The following FGD6 variants were observed in gnomAD, a reference collection of about 807,000 sequenced individuals.
FGD6 encodes the protein FYVE, RhoGEF and PH domain-containing protein 6.
A neutral mutation model predicts 149.4 loss-of-function variants in FGD6; 90 were observed. That is an observed-to-expected ratio of 0.60 (90% CI 0.51 to 0.72). The LOEUF is 0.72. Ranked by LOEUF, FGD6 falls within the 30% of genes least tolerant of loss-of-function variation. The pLI is 0.00. For missense variants in FGD6, 1,437 were observed against 1,684.8 expected (o/e 0.85, Z 2.57); for synonymous variants, 527 against 584.0 (o/e 0.90, Z 1.41).
intron 5 of FGD6, among the ~76,000 whole-genome samples, chr12:95,150,720 T>C (rs1880286114): frequency 6.6e-6 from 1 of 151,988 alleles, no homozygotes; most frequent in Non-Finnish European, 1.5e-5. Flanking sequence ...GGGATTCTTT[T>C]GGCTCAGCCT....
chr12:95,147,436 C>T (rs1443266913), intron 5 of FGD6, among the ~76,000 whole-genome samples: 1 of 152,070 alleles, frequency 6.6e-6, no homozygotes, highest in East Asian at 1.9e-4. Flanking sequence ...CCTTTAATAA[C>T]ACTAACAAGT....
At chr12:95,134,901 G>T in intron 7 of FGD6, 75 bp from the exon 8 acceptor site, 1 of 1,218,334 alleles carries the variant, frequency 8.2e-7, no homozygotes, top group Non-Finnish European at 1.2e-6. Context: ...TGCTCAGGAA[G>T]CCAAACTTTA....
chr12:95,099,360 G>A (rs567817554), intron 14 of FGD6, among the ~76,000 whole-genome samples: 1 of 152,152 alleles, frequency 6.6e-6, no homozygotes, highest in African/African-American at 2.4e-5. Flanking sequence ...CGTGCTGATG[G>A]AGCATGCAGT....
At chr12:95,203,598 C>T (rs2056674487) in intron 2 of FGD6, among the ~76,000 whole-genome samples, 1 of 152,194 alleles carries the variant, frequency 6.6e-6, no homozygotes, top group Non-Finnish European at 1.5e-5. Context: ...AAATTTCTGT[C>T]ACCTCAATGG....
At chr12:95,093,576 T>C (rs1307369657) in intron 15 of FGD6, among the ~76,000 whole-genome samples, 1 of 151,408 alleles carries the variant, frequency 6.6e-6, no homozygotes, top group Non-Finnish European at 1.5e-5. Flanking sequence ...CTCAGGAGAC[T>C]GAAGCAGGAG....
At chr12:95,119,034 C>T (rs1169557524) in intron 8 of FGD6, among the ~76,000 whole-genome samples, 1 of 152,082 alleles carries the variant, frequency 6.6e-6, no homozygotes, top group Non-Finnish European at 1.5e-5. Context: ...GTAATCCCAG[C>T]ACTATGGGAG....
intron 3 of FGD6, among the ~76,000 whole-genome samples, chr12:95,166,341 A>T (rs1420716735): frequency 6.6e-6 from 1 of 152,202 alleles, no homozygotes; most frequent in Non-Finnish European, 1.5e-5. Context: ...TTTTTCCTTC[A>T]GCAAGGTTTA....
At chr12:95,123,594 C>G (rs1282736734) in intron 8 of FGD6, among the ~76,000 whole-genome samples, 1 of 150,870 alleles carries the variant, frequency 6.6e-6, no homozygotes, top group Non-Finnish European at 1.5e-5. Flanking sequence ...TGGGGTCTCT[C>G]TCTATCCCCC....
intron 2 of FGD6, among the ~76,000 whole-genome samples, chr12:95,177,117 C>G (rs1483601751): frequency 3.3e-5 from 5 of 152,192 alleles, no homozygotes; most frequent in Non-Finnish European, 7.3e-5. Context: ...CATGAGCCAC[C>G]ATGCCCAGTG....
At chr12:95,116,741 A>G (rs1879027366) in intron 8 of FGD6, 1 of 438,180 alleles carries the variant, frequency 2.3e-6, no homozygotes, top group Non-Finnish European at 4.6e-6. Flanking sequence ...CCAACTCTCC[A>G]ACTTATCCAT....
rs1340623197 is a variant in FGD6 at position 95,106,444 on chromosome 12, TTTG to T, written c.3417+507_3417+509del. On this transcript the variant is annotated intron_variant, in intron 13 of 20. Coordinates refer to ENST00000343958, the MANE Select transcript of FGD6 (RefSeq NM_018351.4). ...CGCCACCACGCCTGGCTAATTTTTG[TTTG>T]TTTTTTTTTTGTATTTTTAGTAGAG... 9.7e-4 allele frequency among the ~76,000 whole-genome samples: 139 copies of T among 144,038 alleles called. No individual in the cohort carries two copies. In the Middle Eastern group the frequency reaches 0.014, roughly 14 times the overall value. 94.5% of individuals were successfully genotyped at this position (144,038 alleles called of 152,430 possible).
intron 2 of FGD6, among the ~76,000 whole-genome samples, chr12:95,206,240 C>A (rs532019442): frequency 6.6e-6 from 1 of 151,928 alleles, no homozygotes; most frequent in South Asian, 2.1e-4. Flanking sequence ...AAAAATTTAT[C>A]TTAGGCAAGG....
At chr12:95,118,613 T>A (rs12817989) in intron 8 of FGD6, among the ~76,000 whole-genome samples, 13,006 of 152,208 alleles carry the variant, frequency 0.085, 609 homozygotes, top group East Asian at 0.15. Flanking sequence ...CTGAGAAATG[T>A]TTGGCAGCAA....
chr12:95,113,231 CT>C (rs11343496), intron 9 of FGD6, among the ~76,000 whole-genome samples: 58,015 of 109,248 alleles, frequency 0.53, 12,708 homozygotes, highest in East Asian at 0.58. Context: ...GGCCTCAAGT[CT>C]TTTTTTTTTT....
intron 8 of FGD6, among the ~76,000 whole-genome samples, chr12:95,132,570 T>C (rs1191592722): frequency 1.3e-5 from 2 of 151,846 alleles, no homozygotes; most frequent in African/African-American, 4.8e-5. Context: ...GGCCAACATG[T>C]TGAAACCCCG....
At chr12:95,216,957 C>T (rs1409278129) in intron 1 of FGD6, among the ~76,000 whole-genome samples, 2 of 152,248 alleles carry the variant, frequency 1.3e-5, no homozygotes, top group African/African-American at 4.8e-5. Flanking sequence ...GCCCTTCACA[C>T]ATCGCATTTC....
At chr12:95,200,641 AAGAC>A (rs2056651966) in intron 2 of FGD6, among the ~76,000 whole-genome samples, 1 of 152,226 alleles carries the variant, frequency 6.6e-6, no homozygotes. Context: ...AAACTGAAAG[AAGAC>A]AGCTGTTCTT....
chr12:95,083,006 A>C (rs1447686420), intron 20 of FGD6, among the ~76,000 whole-genome samples: 1 of 44,792 alleles, frequency 2.2e-5, no homozygotes, highest in Non-Finnish European at 4.4e-5. Flanking sequence ...AAAAAAAAAA[A>C]AAAAAAATAT....
At chr12:95,151,260 A>T (rs1490493061) in intron 5 of FGD6, among the ~76,000 whole-genome samples, 4 of 152,030 alleles carry the variant, frequency 2.6e-5, no homozygotes, top group African/African-American at 9.7e-5. Context: ...CATAGGAATC[A>T]GGCCCCTATT....
Sources: gnomAD v4.1 joint callset for allele counts (sites outside exome capture counted in the v4.1 genomes callset) on GRCh38, gnomAD v4.1.1 for gene constraint, MANE v1.5 for transcripts, NCBI Gene and HGNC (gene_info 2026-07-23, HGNC 2026-07-21) for gene names.